RBKS: variants seen among roughly 807,000 people sequenced by gnomAD.
RBKS encodes ribokinase.
Under a neutral mutation model 33.9 loss-of-function variants are expected in RBKS, and 33 were observed. The ratio of observed to expected loss-of-function variants is 0.97; its 90% CI spans 0.74 to 1.30. The LOEUF (loss-of-function observed/expected upper bound fraction) is 1.30. Among genes scored for constraint, RBKS ranks in the 50% most tolerant of loss-of-function variants. The probability of loss-of-function intolerance (pLI) is 0.00; values close to 1 mark genes in which losing one functional copy is unlikely to be tolerated. For synonymous variants in RBKS, 125 were observed against 143.0 expected (o/e 0.87, Z 0.90); for missense variants, 361 against 392.6 (o/e 0.92, Z 0.68).
chr2:27,871,652 T>C (rs1194387630), intron 1 of RBKS, among the ~76,000 whole-genome samples: 1 of 152,172 alleles, frequency 6.6e-6, no homozygotes, highest in East Asian at 1.9e-4. Context: ...GGGTGGGCCA[T>C]GTGTGGGCTA....
rs373062445 is a variant in RBKS, at chr2:27,827,853, A to G, written c.607-98T>C. ...CTAGAAAATGTCTCCCTTCTTTTTT[A>G]TAACAACCAATGCAATGGGAACCTT... On this transcript the variant is annotated intron_variant, in intron 6 of 7. Transcript: ENST00000302188. 4.5e-5 allele frequency: 46 copies of G among 1,027,216 alleles called. No individual in the cohort carries two copies. The East Asian group carries it at 7.7e-4, about 17-fold the overall frequency. 63.6% of individuals were successfully genotyped at this position (1,027,216 alleles called of 1,614,324 possible).
At chr2:27,803,727 C>A (rs556493297) in intron 7 of RBKS, among the ~76,000 whole-genome samples, 83 of 150,802 alleles carry the variant, frequency 5.5e-4, no homozygotes, top group African/African-American at 1.9e-3. Flanking sequence ...TGAGATAATC[C>A]ATTTTTTAAT....
At chr2:27,827,131 A>G (rs1678327068) in intron 7 of RBKS, among the ~76,000 whole-genome samples, 1 of 152,214 alleles carries the variant, frequency 6.6e-6, no homozygotes, top group East Asian at 1.9e-4. Flanking sequence ...TTCACTGGAG[A>G]AGCTTGTAAG....
At chr2:27,864,087 T>C (rs1424581322) in intron 1 of RBKS, among the ~76,000 whole-genome samples, 2 of 151,976 alleles carry the variant, frequency 1.3e-5, no homozygotes, top group Admixed American at 6.6e-5. Flanking sequence ...AGTGCAGTGG[T>C]ACAACCACAG....
chr2:27,820,413 TCTC>T (rs1678177978), intron 7 of RBKS, among the ~76,000 whole-genome samples: 1 of 152,192 alleles, frequency 6.6e-6, no homozygotes, highest in South Asian at 2.1e-4. Context: ...TATTTGCCCT[TCTC>T]CTATTGATGA....
chr2:27,836,146 C>T (rs917737084), intron 5 of RBKS, among the ~76,000 whole-genome samples: 7 of 152,112 alleles, frequency 4.6e-5, no homozygotes, highest in East Asian at 1.9e-4. Context: ...ACCTGGGAGG[C>T]GGAGGGTGTG....
At chr2:27,832,212 C>A (rs1331812117) in intron 6 of RBKS, among the ~76,000 whole-genome samples, 1 of 152,104 alleles carries the variant, frequency 6.6e-6, no homozygotes, top group African/African-American at 2.4e-5. Context: ...TACTAATTAG[C>A]GTTTGGCAGA....
chr2:27,827,500 G>A (rs1385830625), intron 7 of RBKS, 67 bp downstream of exon 7: 7 of 1,367,386 alleles, frequency 5.1e-6, no homozygotes, highest in East Asian at 2.5e-5. Context: ...TTCAGGTACA[G>A]CATCTAATTA....
chr2:27,855,656 T>C (rs895499373), intron 2 of RBKS, among the ~76,000 whole-genome samples: 5 of 152,258 alleles, frequency 3.3e-5, no homozygotes, highest in African/African-American at 1.2e-4. Context: ...CACTAGACTG[T>C]AGCTTTGGTC....
chr2:27,847,941 G>T, intron 3 of RBKS, 93 bp downstream of exon 3: 1 of 723,510 alleles, frequency 1.4e-6, no homozygotes. Flanking sequence ...CCAGGGGAAG[G>T]TCTAATAATC....
rs777379921 is a variant in RBKS, at chr2:27,832,732, G to C, written c.560C>G (p.Pro187Arg). The change falls in exon 6 of 8, where the codon CCC becomes CGC. Residue 187 changes from proline to arginine, a missense_variant. By Grantham distance (103) the Pro-to-Arg change is moderately radical. Coordinates refer to ENST00000302188, the MANE Select transcript of RBKS (RefSeq NM_022128.3). ...NPAPAIADLD[P>R]QFYTLSDVFC... is the part of the protein sequence containing the mutation. ...CACATCTGAGAGGGTGTAGAACTGG[G>C]GATCCAGGTCAGCAATGGCAGGGGC... is the stretch of plus-strand genomic sequence containing the variant. 1.2e-6 allele frequency: 2 copies of C among 1,613,538 alleles called. No homozygotes were observed. Among genetic ancestry groups the C allele is most frequent in the African/African-American group, 1.3e-5 (1 of 74,894 alleles).
At chr2:27,854,189 A>G (rs1015847273) in intron 2 of RBKS, among the ~76,000 whole-genome samples, 2 of 152,228 alleles carry the variant, frequency 1.3e-5, no homozygotes, top group Non-Finnish European at 2.9e-5. Flanking sequence ...AGTCATACAA[A>G]CTACAAGGCC....
chr2:27,781,824 T>G (rs1204372846), intron 7 of RBKS, 36 bp from the exon 8 acceptor site: 6 of 1,552,548 alleles, frequency 3.9e-6, no homozygotes, highest in South Asian at 1.2e-5. Flanking sequence ...GATAAGCATG[T>G]AGTCAATCTG....
intron 7 of RBKS, among the ~76,000 whole-genome samples, chr2:27,801,841 C>T (rs367616595): frequency 2.3e-4 from 34 of 150,416 alleles, no homozygotes; most frequent in African/African-American, 5.9e-4. Flanking sequence ...GAAGATGCCA[C>T]GCACTTTTGT....
chr2:27,815,206 T>C (rs1432585218), intron 7 of RBKS, among the ~76,000 whole-genome samples: 5 of 151,860 alleles, frequency 3.3e-5, no homozygotes, highest in African/African-American at 1.2e-4. Flanking sequence ...TCTAGGTGGT[T>C]TTTTTTCCCC....
intron 7 of RBKS, among the ~76,000 whole-genome samples, chr2:27,787,220 C>A (rs908010990): frequency 6.6e-6 from 1 of 152,074 alleles, no homozygotes. Flanking sequence ...AATCCCAGCA[C>A]ACTGGGAGCA....
At position 27,836,581 on chromosome 2, in the gene RBKS, G is replaced by A. The variant is rs923484852; in HGVS notation, c.515-3804C>T. 5.3e-5 allele frequency among the ~76,000 whole-genome samples: 8 copies of A among 152,124 alleles called. No individual in the cohort carries two copies. The South Asian group carries it at 1.7e-3, about 32-fold the overall frequency. ...TTAGAAAATACCCTTTTTGACACTG[G>A]CATTGGCAAAGAATTTTTGGCTAAG... On this transcript the variant is annotated intron_variant, in intron 5 of 7. Transcript: ENST00000302188.
chr2:27,797,491 T>C (rs1347164412), intron 7 of RBKS, among the ~76,000 whole-genome samples: 1 of 152,256 alleles, frequency 6.6e-6, no homozygotes, highest in Non-Finnish European at 1.5e-5. Context: ...CAAGGTCATC[T>C]GTGCAGGAAT....
chr2:27,819,386 A>G (rs189676637), intron 7 of RBKS, among the ~76,000 whole-genome samples: 4 of 152,208 alleles, frequency 2.6e-5, no homozygotes, highest in African/African-American at 9.6e-5. Context: ...TTCTTTTCCT[A>G]TCTCCAAATA....
Sources: gnomAD v4.1 joint callset for allele counts (sites outside exome capture counted in the v4.1 genomes callset) on GRCh38, gnomAD v4.1.1 for gene constraint, MANE v1.5 for transcripts, NCBI Gene and HGNC (gene_info 2026-07-23, HGNC 2026-07-21) for gene names.